Variants in PRKN observed in about 807,000 individuals in gnomAD.
PRKN encodes the protein parkin RBR E3 ubiquitin protein ligase, also known as E3 ubiquitin-protein ligase parkin.
Under a neutral mutation model 59.5 loss-of-function variants are expected in PRKN, and 56 were observed. The observed-to-expected ratio is 0.94, with a 90% CI of 0.76 to 1.18. PRKN has a LOEUF of 1.18. Ranked by LOEUF, PRKN falls within the 50% of genes most tolerant of loss-of-function variation. The pLI is 0.00. For synonymous variants in PRKN, 250 were observed against 222.1 expected, an observed-to-expected ratio of 1.13 and a Z score of -1.12; for missense variants, 657 against 596.4, an observed-to-expected ratio of 1.10 and a Z score of -1.06.
intron 1 of PRKN, among the ~76,000 whole-genome samples, chr6:162,720,087 G>A (rs1439897552): frequency 6.6e-6 from 1 of 152,070 alleles, no homozygotes; most frequent in Non-Finnish European, 1.5e-5. Context: ...CAGTTACAGA[G>A]GGCTTCATCA....
chr6:161,884,414 G>C (rs1795056456), intron 6 of PRKN, among the ~76,000 whole-genome samples: 4 of 152,180 alleles, frequency 2.6e-5, no homozygotes, highest in Admixed American at 2.6e-4. Context: ...TTCATTTTAA[G>C]ATTCTACTAT....
chr6:161,882,713 C>T (rs1414706709), intron 6 of PRKN, among the ~76,000 whole-genome samples: 1 of 152,042 alleles, frequency 6.6e-6, no homozygotes, highest in African/African-American at 2.4e-5. Context: ...AATTAAGATA[C>T]AACTCCACGG....
At chr6:161,574,950 C>A (rs1781073351) in intron 7 of PRKN, among the ~76,000 whole-genome samples, 1 of 152,152 alleles carries the variant, frequency 6.6e-6, no homozygotes, top group African/African-American at 2.4e-5. Context: ...TTGTCCTGGA[C>A]TCCACTTTTA....
At chr6:161,542,306 G>A (rs972970614) in intron 9 of PRKN, among the ~76,000 whole-genome samples, 2 of 152,124 alleles carry the variant, frequency 1.3e-5, no homozygotes, top group African/African-American at 2.4e-5. Context: ...GCTATCTGCC[G>A]ACTTTCAGTT....
At chr6:162,128,625 GC>G (rs1554274652) in intron 4 of PRKN, among the ~76,000 whole-genome samples, 1 of 152,140 alleles carries the variant, frequency 6.6e-6, no homozygotes, top group South Asian at 2.1e-4. Flanking sequence ...GTTGTCTTGG[GC>G]CCTGTTATTT....
chr6:162,319,393 C>T (rs969247826), intron 2 of PRKN, among the ~76,000 whole-genome samples: 5 of 151,952 alleles, frequency 3.3e-5, no homozygotes, highest in South Asian at 4.1e-4. Context: ...TTCTCTTCAT[C>T]GTCCGTTGCT....
At chr6:162,590,363 TAAAC>T (rs1318436920) in intron 1 of PRKN, among the ~76,000 whole-genome samples, 2 of 152,174 alleles carry the variant, frequency 1.3e-5, no homozygotes, top group Non-Finnish European at 2.9e-5. Flanking sequence ...TACCTGCTGA[TAAAC>T]ATACTAAACG....
intron 4 of PRKN, among the ~76,000 whole-genome samples, chr6:162,109,021 T>C (rs1167876247): frequency 1.3e-5 from 2 of 152,202 alleles, no homozygotes; most frequent in African/African-American, 2.4e-5. Context: ...AGAGGCAGCA[T>C]TGCATCCATA....
chr6:161,900,928 A>ATATATATATATTT (rs377615355), intron 6 of PRKN, among the ~76,000 whole-genome samples: 5 of 143,512 alleles, frequency 3.5e-5, no homozygotes, highest in African/African-American at 1.3e-4. Context: ...ATATATATAT[A>ATATATATATATTT]TTTTTTAGAT....
Position 161,448,144 on chromosome 6 carries a change from G to A in PRKN, c.1084-61267C>T, listed in dbSNP as rs573154983. On this transcript the variant is annotated intron_variant, in intron 9 of 11. Transcript: ENST00000366898. The surrounding 1 kb of genome is among the most constrained non-coding windows in gnomAD (Gnocchi z 5.1). ...TGTTAGCCGTTGTATGGAAAACACC[G>A]TGATTCTGTTCAGCGCCTCCCTTTT... Among the ~76,000 whole-genome samples, 40 of 152,228 alleles carry A rather than the reference G, an allele frequency of 2.6e-4. 1 individual carries two copies. In the South Asian group the frequency reaches 7.3e-3, roughly 28 times the overall value.
At chr6:161,539,869 C>T (rs988289815) in intron 9 of PRKN, among the ~76,000 whole-genome samples, 13 of 152,096 alleles carry the variant, frequency 8.5e-5, no homozygotes, top group Admixed American at 6.6e-5. Flanking sequence ...AAAGTGATTC[C>T]GTATCAGGAC....
intron 5 of PRKN, among the ~76,000 whole-genome samples, chr6:161,995,706 G>C (rs1427541667): frequency 2.0e-5 from 3 of 152,076 alleles, no homozygotes; most frequent in African/African-American, 7.2e-5. Context: ...ACAGCAATAA[G>C]ATATCATCTT....
At position 161,473,239 on chromosome 6, in the gene PRKN, C is replaced by G. The variant is rs1427123641; in HGVS notation, c.1083+75615G>C. ...TATTTACAATAGCAAGATATGCAAA[C>G]AACCTAAGTAAGCATCAAAGGATGA... On this transcript the variant is annotated intron_variant, in intron 9 of 11. Coordinates refer to ENST00000366898, the MANE Select transcript of PRKN (RefSeq NM_004562.3). The surrounding 1 kb of genome is among the most constrained non-coding windows in gnomAD (Gnocchi z 4.1). Among the ~76,000 whole-genome samples, 2 of 151,940 alleles carry G rather than the reference C, an allele frequency of 1.3e-5. No individual in the cohort carries two copies.
intron 3 of PRKN, among the ~76,000 whole-genome samples, chr6:162,215,293 G>T (rs1777593487): frequency 6.6e-6 from 1 of 152,086 alleles, no homozygotes; most frequent in South Asian, 2.1e-4. Flanking sequence ...ATTATGTGGA[G>T]GAACCAAATA....
chr6:162,107,322 G>A (rs973473810), intron 4 of PRKN, among the ~76,000 whole-genome samples: 3 of 152,120 alleles, frequency 2.0e-5, no homozygotes, highest in African/African-American at 2.4e-5. Context: ...AAAATTAGCC[G>A]GGCATGGCGG....
At chr6:161,859,331 G>A (rs1312622949) in intron 6 of PRKN, among the ~76,000 whole-genome samples, 4 of 151,954 alleles carry the variant, frequency 2.6e-5, no homozygotes, top group Non-Finnish European at 5.9e-5. Flanking sequence ...CAGGCCAGAC[G>A]CGGTGACTGA....
chr6:161,472,116 C>T (rs1313538467), intron 9 of PRKN, among the ~76,000 whole-genome samples: 1 of 152,072 alleles, frequency 6.6e-6, no homozygotes, highest in Non-Finnish European at 1.5e-5. Flanking sequence ...TTCTTCATGG[C>T]CTGCTTTAAT....
At chr6:162,285,198 T>A (rs980337953) in intron 2 of PRKN, among the ~76,000 whole-genome samples, 3 of 151,860 alleles carry the variant, frequency 2.0e-5, no homozygotes, top group Non-Finnish European at 2.9e-5. Flanking sequence ...TTATACAACA[T>A]TTTACTGGTC....
chr6:162,175,675 T>A (rs2128321163), intron 4 of PRKN, among the ~76,000 whole-genome samples: 1 of 152,216 alleles, frequency 6.6e-6, no homozygotes, highest in South Asian at 2.1e-4. Context: ...AGGCCACCAC[T>A]TGATATAGAA....
Sources: allele counts gnomAD v4.1 joint callset (sites outside exome capture counted in the v4.1 genomes callset), GRCh38; gene constraint gnomAD v4.1.1; non-coding constraint Gnocchi (gnomAD v3.1); transcripts MANE v1.5; gene names NCBI Gene and HGNC (gene_info 2026-07-23, HGNC 2026-07-21).